The following DMD variants were observed in gnomAD, a reference collection of about 807,000 sequenced individuals.
The protein encoded by DMD is mutant dystrophin.
In DMD, 63 loss-of-function variants were observed where a neutral mutation model predicts 330.1. The observed-to-expected ratio is 0.19, with a 90% CI of 0.16 to 0.24. The LOEUF (loss-of-function observed/expected upper bound fraction) is 0.24, where lower values mean the gene tolerates loss of function less well. DMD is among the 10% of genes least tolerant of loss of function. The probability of loss-of-function intolerance (pLI) is 1.00; values close to 1 mark genes in which losing one functional copy is unlikely to be tolerated. For missense variants in DMD, 3,344 were observed against 2,684.1 expected, an observed-to-expected ratio of 1.25 and a Z score of -5.43; for synonymous variants, 1,223 against 959.8, an observed-to-expected ratio of 1.27 and a Z score of -5.07.
At chrX:32,979,543 C>G (rs1287831253) in intron 2 of DMD, among the ~76,000 whole-genome samples, 1 of 110,894 alleles carries the variant, frequency 9.0e-6, no homozygotes, top group Non-Finnish European at 1.9e-5. Flanking sequence ...ACCTAGAAAA[C>G]AAGAAAGCAA....
chrX:32,532,883 C>T (rs1415785057), intron 17 of DMD, among the ~76,000 whole-genome samples: 1 of 111,522 alleles, frequency 9.0e-6, no homozygotes, highest in Non-Finnish European at 1.9e-5. Context: ...CTCATTTTAC[C>T]CATTAGTGCC....
At chrX:32,988,956 G>A (rs1384589029) in intron 2 of DMD, among the ~76,000 whole-genome samples, 1 of 111,549 alleles carries the variant, frequency 9.0e-6, no homozygotes, top group East Asian at 2.8e-4. Flanking sequence ...ATTATAAAAT[G>A]TAGCTTAAAC....
rs138371531 is a variant in DMD, at chrX:32,573,789, A to G, written c.1660T>C (p.Leu554=). The change falls in exon 14 of 79, where the codon TTA becomes CTA. Residue 554 remains leucine (L), a synonymous_variant. Transcript: ENST00000357033. ...TGCCATTTGAGAAGGATGTCTTGTA[A>G]AAGAACCCAGCGGTCTTCTGTCCAT... ...CRWTEDRWVL[L]QDILLKWQRL... is the part of the protein sequence containing the mutation. 31 of 1,210,195 alleles carry G rather than the reference A, an allele frequency of 2.6e-5. No individual in the cohort carries two copies. The highest frequency in any genetic ancestry group is 3.5e-5 in the Non-Finnish European group (31 of 895,274).
intron 12 of DMD, among the ~76,000 whole-genome samples, chrX:32,600,649 G>T (rs754032303): frequency 2.8e-5 from 3 of 106,562 alleles, no homozygotes; most frequent in Non-Finnish European, 5.8e-5. Flanking sequence ...AAACAACACA[G>T]AACGCTGTTC....
At chrX:31,154,895 G>A (rs1313736057) in intron 74 of DMD, among the ~76,000 whole-genome samples, 1 of 105,893 alleles carries the variant, frequency 9.4e-6, no homozygotes, top group Non-Finnish European at 1.9e-5. Flanking sequence ...ATTTCTTCCT[G>A]TAGCCAGTCA....
chrX:32,300,315 A>T (rs961597423), intron 42 of DMD, among the ~76,000 whole-genome samples: 15 of 111,836 alleles, frequency 1.3e-4, no homozygotes, highest in African/African-American at 4.9e-4. Flanking sequence ...TTTACAAGAC[A>T]TTAGCTGTTG....
intron 30 of DMD, among the ~76,000 whole-genome samples, chrX:32,405,522 T>A: frequency 8.9e-6 from 1 of 111,969 alleles, no homozygotes; most frequent in East Asian, 2.8e-4. Flanking sequence ...TCTGTTTCAA[T>A]AAATCTTTTC....
At chrX:32,072,979 AT>A (rs2096312528) in intron 44 of DMD, among the ~76,000 whole-genome samples, 1 of 112,232 alleles carries the variant, frequency 8.9e-6, no homozygotes, top group Non-Finnish European at 1.9e-5. Flanking sequence ...AAATTAGCCC[AT>A]TATCAACCAA....
In DMD at chrX:31,252,870, A is replaced by G. The variant is rs752589567; in HGVS notation, c.9286+8085T>C. Among the ~76,000 whole-genome samples the G allele has an allele frequency of 4.5e-5, 5 of 111,222 alleles. No individual in the cohort carries two copies. In the South Asian group the frequency reaches 1.5e-3, roughly 34 times the overall value. The stretch of plus-strand genomic sequence containing the variant: ...CTACTAAAAATACAAAAATTAGCTG[A>G]GCATGGTGGCGGGAGGCTGCTGAGG... On this transcript the variant is annotated intron_variant, in intron 63 of 78. Transcript: ENST00000357033.
chrX:31,333,182 T>C lies in DMD; in HGVS notation c.9164-9524A>G, dbSNP rs2057229538. ...GTTTTATCATTATATACTATATTAG[T>C]ATTGCTTCAGAATTCAAAATAAATA... is the stretch of plus-strand genomic sequence containing the variant. On this transcript the variant is annotated intron_variant, in intron 61 of 78. Coordinates refer to ENST00000357033, the MANE Select transcript of DMD (RefSeq NM_004006.3). 1.1e-4 allele frequency among the ~76,000 whole-genome samples: 12 copies of C among 112,037 alleles called. No individual in the cohort carries two copies. The South Asian group carries it at 4.4e-3, about 41-fold the overall frequency.
intron 63 of DMD, among the ~76,000 whole-genome samples, chrX:31,228,846 T>C (rs1292483469): frequency 8.9e-6 from 1 of 111,993 alleles, no homozygotes; most frequent in African/African-American, 3.2e-5. Context: ...AATGCTGAAC[T>C]GCACATTTCT....
chrX:31,604,102 T>C (rs994645619), intron 55 of DMD, among the ~76,000 whole-genome samples: 3 of 112,080 alleles, frequency 2.7e-5, no homozygotes, highest in Non-Finnish European at 5.6e-5. Flanking sequence ...AGTTCCAATT[T>C]CATGTGCCTC....
At chrX:31,618,475 A>C (rs2078342502) in intron 55 of DMD, among the ~76,000 whole-genome samples, 1 of 111,908 alleles carries the variant, frequency 8.9e-6, no homozygotes, top group South Asian at 3.7e-4. Context: ...CAGATGTAGA[A>C]ACTTGACTTT....
intron 2 of DMD, among the ~76,000 whole-genome samples, chrX:32,884,818 T>C (rs1603457533): frequency 1.8e-5 from 2 of 112,398 alleles, no homozygotes; most frequent in East Asian, 2.8e-4. Flanking sequence ...GAAATGATCC[T>C]ACCAAACAAG....
chrX:32,999,034 T>A (rs2093203982), intron 2 of DMD, among the ~76,000 whole-genome samples: 3 of 112,325 alleles, frequency 2.7e-5, no homozygotes. Flanking sequence ...TTGCTGGAAA[T>A]TCAGTGTCCT....
chrX:32,849,760 C>G lies in DMD; in HGVS notation c.154G>C (p.Asp52His). 8.3e-7 allele frequency: 1 copy of G among 1,209,509 alleles called. No homozygotes were observed. Among genetic ancestry groups the G allele is most frequent in the Non-Finnish European group, 1.1e-6 (1 of 894,030 alleles). ...TGCCCTGTCAGGCCTTCGAGGAGGT[C>G]TAGGAGGCGCCTCCCATCCTGTAGG... ...SDLQDGRRLL[D>H]LLEGLTGQKL... Residue 52 changes from aspartate (D) to histidine (H), a missense_variant, in exon 3 of 79, where the codon GAC becomes CAC. Coordinates refer to ENST00000357033, the MANE Select transcript of DMD (RefSeq NM_004006.3).
rs764700067 is a variant in DMD, at chrX:31,147,548, AAAAAAGAAAG to A, written c.10554-40_10554-31del. 6.3e-5 allele frequency: 63 copies of A among 993,118 alleles called. No individual in the cohort carries two copies. The East Asian group carries it at 1.1e-3, about 17-fold the overall frequency. 81.8% of individuals were successfully genotyped at this position (993,118 alleles called of 1,213,427 possible). The stretch of plus-strand genomic sequence containing the variant: ...TGGCATCAAAAAAGTAAAAAAGAAA[AAAAAAGAAAG>A]AAAAAGAAAAAGAAGAAAAAAAGTA... On this transcript the variant is annotated intron_variant, in intron 74 of 78. Transcript: ENST00000357033.
chrX:31,326,469 AT>A (rs1011299306), intron 61 of DMD, among the ~76,000 whole-genome samples: 3 of 107,737 alleles, frequency 2.8e-5, no homozygotes, highest in Non-Finnish European at 5.7e-5. Context: ...GATTCAGTGT[AT>A]TTTTTTTCTG....
At chrX:33,160,480 C>T (rs1249522809) in intron 1 of DMD, among the ~76,000 whole-genome samples, 1 of 111,744 alleles carries the variant, frequency 8.9e-6, no homozygotes, top group African/African-American at 3.3e-5. Flanking sequence ...CCTCACCTGC[C>T]TTCTCAGCCG....
Sources: allele counts gnomAD v4.1 joint callset (sites outside exome capture counted in the v4.1 genomes callset), GRCh38; gene constraint gnomAD v4.1.1; transcripts MANE v1.5; gene names NCBI Gene and HGNC (gene_info 2026-07-23, HGNC 2026-07-21).